SLC37A3: variants seen among roughly 807,000 people sequenced by gnomAD.
SLC37A3 encodes sugar phosphate exchanger 3.
Under a neutral mutation model 67.1 loss-of-function variants are expected in SLC37A3, and 51 were observed. The ratio of observed to expected loss-of-function variants is 0.76; its 90% confidence interval spans 0.61 to 0.96. The LOEUF (loss-of-function observed/expected upper bound fraction) is 0.96, where lower values mean the gene tolerates loss of function less well. Among genes scored for constraint, SLC37A3 ranks in the 40% least tolerant of loss-of-function variants. The pLI is 0.00. For missense variants in SLC37A3, 508 were observed against 603.0 expected (o/e 0.84, Z 1.65); for synonymous variants, 214 against 231.4 (o/e 0.92, Z 0.68).
chr7:140,386,338 G>A (rs1171608004), intron 1 of SLC37A3, among the ~76,000 whole-genome samples: 1 of 152,032 alleles, frequency 6.6e-6, no homozygotes, highest in Non-Finnish European at 1.5e-5. Context: ...CCAAAGTGCT[G>A]AGACTACAAG....
At chr7:140,368,666 A>G (rs1044135318) in intron 4 of SLC37A3, among the ~76,000 whole-genome samples, 6 of 152,192 alleles carry the variant, frequency 3.9e-5, no homozygotes, top group African/African-American at 7.2e-5. Flanking sequence ...TCCACACTCA[A>G]TGACCAAGTG....
chr7:140,380,767 C>T (rs898347717), intron 2 of SLC37A3, among the ~76,000 whole-genome samples: 9 of 152,144 alleles, frequency 5.9e-5, no homozygotes, highest in South Asian at 4.2e-4. Context: ...TTTTTTGCAG[C>T]GACAGAGTCT....
intron 4 of SLC37A3, among the ~76,000 whole-genome samples, chr7:140,365,745 T>C (rs1797572010): frequency 6.6e-6 from 1 of 151,886 alleles, no homozygotes; most frequent in South Asian, 2.1e-4. Context: ...AAGATAAATT[T>C]AAATATGAAC....
intron 3 of SLC37A3, among the ~76,000 whole-genome samples, chr7:140,373,687 T>G (rs894787714): frequency 2.0e-5 from 3 of 151,432 alleles, no homozygotes; most frequent in Admixed American, 1.3e-4. Flanking sequence ...CTTTTTTTTT[T>G]TTTTTGAGAT....
intron 3 of SLC37A3, among the ~76,000 whole-genome samples, chr7:140,375,394 G>T (rs2129722063): frequency 6.6e-6 from 1 of 150,492 alleles, no homozygotes; most frequent in Non-Finnish European, 1.5e-5. Flanking sequence ...AGAATCACTT[G>T]AACCTGGGAG....
intron 1 of SLC37A3, among the ~76,000 whole-genome samples, chr7:140,388,602 G>A (rs1018843138): frequency 6.6e-6 from 1 of 152,026 alleles, no homozygotes. Context: ...CACGAAGTCA[G>A]GGGTTCGAGA....
intron 5 of SLC37A3, among the ~76,000 whole-genome samples, chr7:140,362,902 G>A: frequency 2.1e-5 from 1 of 48,716 alleles, no homozygotes; most frequent in East Asian, 7.4e-4. Context: ...GGAGGGAGGC[G>A]GGGGGGGGGG....
In SLC37A3 at chr7:140,351,377, C is replaced by T. The variant is rs781033582; in HGVS notation, c.778G>A (p.Glu260Lys). 2 of 1,614,184 alleles carry T rather than the reference C, an allele frequency of 1.2e-6. No individual in the cohort carries two copies. Among genetic ancestry groups the T allele is most frequent in the South Asian group, 2.2e-5 (2 of 91,078 alleles). Residue 260 changes from glutamate to lysine, a missense_variant, in exon 9 of 15, where the codon GAA (glutamate) becomes AAA (lysine). Glu to Lys is a moderately conservative substitution (Grantham distance 56). Coordinates refer to ENST00000326232, the MANE Select transcript of SLC37A3 (RefSeq NM_207113.3). ...HRPLINGGENEDEYEPNYSIQ... is the reference protein window; with the variant it reads ...HRPLINGGENKDEYEPNYSIQ... ...GAATAATTCGGCTCATATTCGTCTT[C>T]ATTTTCACCACCATTAATTAATGGC...
In SLC37A3 at chr7:140,335,765, G is replaced by A. The variant is rs1042964224; in HGVS notation, c.1393-261C>T. Among the ~76,000 whole-genome samples the A allele has an allele frequency of 5.9e-5, 9 of 152,318 alleles. 1 individual carries two copies. The South Asian group carries it at 1.0e-3, about 18-fold the overall frequency. On this transcript the variant is annotated intron_variant, in intron 14 of 14. Transcript: ENST00000326232. ...TAGGCGGAGCAGAGAACTGAGACCA[G>A]AGGCTCAGATGAACAACAGTGATCC... is the stretch of plus-strand genomic sequence containing the variant.
At chr7:140,362,440 G>A (rs953287063) in intron 5 of SLC37A3, among the ~76,000 whole-genome samples, 6 of 126,500 alleles carry the variant, frequency 4.7e-5, no homozygotes, top group African/African-American at 9.2e-5. Flanking sequence ...TCAGCCCCCC[G>A]CCCGGCCAGC....
chr7:140,333,967 A>G lies in SLC37A3; in HGVS notation c.*1445T>C, dbSNP rs1339963613. 6.6e-6 allele frequency: 1 copy of G among 152,538 alleles called. No homozygotes were observed. Among genetic ancestry groups the G allele is most frequent in the Non-Finnish European group, 1.5e-5 (1 of 68,026 alleles). 9.4% of individuals were successfully genotyped at this position (152,538 alleles called of 1,614,324 possible). A position where few individuals can be genotyped will look rare whatever the true frequency, so the allele number is the denominator to read the frequency against. ...CCTCAAAATTGCACATTCTCCTCCTAGTTTGCTTGCATAATTTAAAATATG... is the reference window on the plus strand; with the variant it reads ...CCTCAAAATTGCACATTCTCCTCCTGGTTTGCTTGCATAATTTAAAATATG... On this transcript the variant is annotated 3_prime_UTR_variant, in exon 15 of 15. Coordinates refer to ENST00000326232, the MANE Select transcript of SLC37A3 (RefSeq NM_207113.3).
In SLC37A3 at chr7:140,345,236, G is replaced by T. The variant is rs755926254; in HGVS notation, c.1154C>A (p.Ala385Asp). 2 of 1,613,880 alleles carry T rather than the reference G, an allele frequency of 1.2e-6. No homozygotes were observed. The highest frequency in any genetic ancestry group is 2.7e-5 in the African/African-American group (2 of 74,902). The change falls in exon 12 of 15, where the codon GCC (alanine) becomes GAC (aspartate). Residue 385 changes from alanine to aspartate, a missense_variant. Transcript: ENST00000326232. ...CGTACCTGTAACAGTCATCAGAAGG[G>T]CATTGATGGACTTATCATTTGGAGA... ...SRSPNDKSIN[A>D]LLMTVTGFFI...
intron 13 of SLC37A3, among the ~76,000 whole-genome samples, chr7:140,339,270 T>G (rs926713971): frequency 6.9e-6 from 1 of 145,434 alleles, no homozygotes; most frequent in Non-Finnish European, 1.6e-5. Flanking sequence ...TTTTGTTTTT[T>G]TTTTTTTTTT....
At chr7:140,351,867 C>T in intron 8 of SLC37A3, 195 bp downstream of exon 8, 1 of 692,042 alleles carries the variant, frequency 1.4e-6, no homozygotes, top group Non-Finnish European at 2.6e-6. Flanking sequence ...GCATCACTCC[C>T]CTCAAACACG....
At chr7:140,377,092 C>T (rs1798061296) in intron 3 of SLC37A3, among the ~76,000 whole-genome samples, 2 of 152,006 alleles carry the variant, frequency 1.3e-5, no homozygotes, top group African/African-American at 4.8e-5. Context: ...TACAGGCATG[C>T]ATCACCATAC....
At chr7:140,357,815 G>A (rs1348513697) in intron 6 of SLC37A3, among the ~76,000 whole-genome samples, 1 of 151,926 alleles carries the variant, frequency 6.6e-6, no homozygotes, top group Admixed American at 6.6e-5. Context: ...TACTCAGGAG[G>A]CTACAGCAGG....
Position 140,380,381 on chromosome 7 carries a change from C to G in SLC37A3, c.99G>C (p.Leu33Phe). Residue 33 changes from leucine (L) to phenylalanine (F), a missense_variant, in exon 3 of 15, where the codon TTG becomes TTC. By Grantham distance (22) the Leu-to-Phe change is conservative (BLOSUM62 0). Transcript: ENST00000326232. Reference sequence around the variant, plus strand: ...TAAATGTTTTTCGTGAAGCATGGAGCAACGAATAACTACAAAATAGAGAGA... The same window carrying G: ...TAAATGTTTTTCGTGAAGCATGGAGGAACGAATAACTACAAAATAGAGAGA... ...VFLLTFFSYS[L>F]LHASRKTFSN... 3 of 1,609,204 alleles carry G rather than the reference C, an allele frequency of 1.9e-6. No homozygotes were observed. Among genetic ancestry groups the G allele is most frequent in the Non-Finnish European group, 2.6e-6 (3 of 1,176,242 alleles).
chr7:140,376,252 CAG>C (rs1169656591), intron 3 of SLC37A3, among the ~76,000 whole-genome samples: 3 of 152,094 alleles, frequency 2.0e-5, no homozygotes, highest in African/African-American at 4.8e-5. Context: ...GACTAACAAA[CAG>C]ATTCAGGAAA....
At chr7:140,394,751 G>A (rs1585389802) in intron 1 of SLC37A3, among the ~76,000 whole-genome samples, 1 of 151,546 alleles carries the variant, frequency 6.6e-6, no homozygotes, top group Non-Finnish European at 1.5e-5. Flanking sequence ...TGGGACTACA[G>A]GCATGCACCA....
Sources: gnomAD v4.1 joint callset for allele counts (sites outside exome capture counted in the v4.1 genomes callset) on GRCh38, gnomAD v4.1.1 for gene constraint, MANE v1.5 for transcripts, NCBI Gene and HGNC (gene_info 2026-07-23, HGNC 2026-07-21) for gene names.